RPH3AL: variants seen among roughly 807,000 people sequenced by gnomAD.
RPH3AL encodes rab effector Noc2.
In RPH3AL, 38 loss-of-function variants were observed where a neutral mutation model predicts 43.1. That is an observed-to-expected ratio of 0.88 (90% CI 0.68 to 1.15). RPH3AL has a LOEUF of 1.15. Ranked by LOEUF, RPH3AL falls within the 50% of genes most tolerant of loss-of-function variation. RPH3AL has a pLI of 0.00. For missense variants in RPH3AL, 462 were observed against 423.2 expected, an observed-to-expected ratio of 1.09 and a Z score of -0.81; for synonymous variants, 189 against 176.3, an observed-to-expected ratio of 1.07 and a Z score of -0.57.
intron 2 of RPH3AL, among the ~76,000 whole-genome samples, chr17:327,884 C>T (rs1185796834): frequency 6.6e-6 from 1 of 152,202 alleles, no homozygotes; most frequent in East Asian, 1.9e-4. Context: ...TCACCCTTAG[C>T]AGTTTTCAAC....
rs1416490220 is a variant in RPH3AL at position 215,488 on chromosome 17, C to T, written c.876+166G>A. 6.6e-6 allele frequency among the ~76,000 whole-genome samples: 1 copy of T among 152,238 alleles called. No individual in the cohort carries two copies. Among genetic ancestry groups the T allele is most frequent in the Non-Finnish European group, 1.5e-5 (1 of 68,040 alleles). On this transcript the variant is annotated intron_variant, in intron 9 of 9. Coordinates refer to ENST00000331302, the MANE Select transcript of RPH3AL (RefSeq NM_006987.4). This position sits in a 1 kb window ranked among gnomAD's most constrained non-coding sequence, Gnocchi z 4.1. ...TCTGGGTCCCTCTCTCTGTTCCTTG[C>T]AGGCAGGGATGGGGTCTGGCTCACC... is the stretch of plus-strand genomic sequence containing the variant.
intron 1 of RPH3AL, among the ~76,000 whole-genome samples, chr17:345,577 T>A (rs533167329): frequency 1.5e-5 from 2 of 134,280 alleles, no homozygotes; most frequent in South Asian, 4.9e-4. Context: ...GAGAGGAGGC[T>A]AGGAGCAGTG....
chr17:260,922 C>T (rs1289044640), intron 6 of RPH3AL, among the ~76,000 whole-genome samples: 1 of 152,192 alleles, frequency 6.6e-6, no homozygotes, highest in Admixed American at 6.5e-5. Flanking sequence ...AGCTCGTCTC[C>T]AGCCTTTGGG....
chr17:236,022 C>T (rs75181143), intron 7 of RPH3AL, among the ~76,000 whole-genome samples: 3 of 151,246 alleles, frequency 2.0e-5, no homozygotes, highest in Non-Finnish European at 2.9e-5. Flanking sequence ...CTGGGGTCGG[C>T]GGTGGCTCCG....
intron 1 of RPH3AL, among the ~76,000 whole-genome samples, chr17:342,253 T>C (rs767203220): frequency 1.4e-4 from 21 of 152,188 alleles, no homozygotes; most frequent in Non-Finnish European, 2.9e-4. Context: ...CACTTGTATC[T>C]TGTTGGTGGG....
At chr17:329,164 A>G (rs1016234748) in intron 2 of RPH3AL, among the ~76,000 whole-genome samples, 1 of 152,170 alleles carries the variant, frequency 6.6e-6, no homozygotes, top group Admixed American at 6.5e-5. Flanking sequence ...GACCATGAAA[A>G]AAAAAATGAA....
chr17:323,393 C>T lies in RPH3AL; in HGVS notation c.78-1978G>A, dbSNP rs2044533209. On this transcript the variant is annotated intron_variant, in intron 3 of 9. Transcript: ENST00000331302. This position sits in a 1 kb window ranked among gnomAD's most constrained non-coding sequence, Gnocchi z 4.4. ...AGGCCAGTAGAGTGGGCAGCCTCTG[C>T]CTGGACTACCTGCCTTGCTCCTATG... Among the ~76,000 whole-genome samples the T allele has an allele frequency of 2.0e-5, 3 of 152,188 alleles. No homozygotes were observed. Among genetic ancestry groups the T allele is most frequent in the Admixed American group, 2.0e-4 (3 of 15,286 alleles).
chr17:253,230 A>C (rs1555543307), intron 6 of RPH3AL, among the ~76,000 whole-genome samples: 3 of 152,142 alleles, frequency 2.0e-5, no homozygotes, highest in African/African-American at 7.2e-5. Flanking sequence ...GGGGGCTGAG[A>C]GTGCTCCCCC....
In RPH3AL at chr17:215,685, C is replaced by A. The variant is rs2040781557; in HGVS notation, c.845G>T (p.Gly282Val). 7.8e-7 allele frequency: 1 copy of A among 1,275,550 alleles called. No individual in the cohort carries two copies. Among genetic ancestry groups the A allele is most frequent in the Non-Finnish European group, 9.9e-7 (1 of 1,005,530 alleles). 79.0% of individuals were successfully genotyped at this position (1,275,550 alleles called of 1,614,324 possible). A position where few individuals can be genotyped will look rare whatever the true frequency, so the allele number is the denominator to read the frequency against. ...CCTTCGGGTCAGCCCGGGGCGGGGT[C>A]CCCCTGGCGGGTCAGCAGAGCCTGT... is the stretch of plus-strand genomic sequence containing the variant. ...TGTGSADPPG[G>V]PRPGLTRRAP... Residue 282 changes from glycine to valine, a missense_variant, in exon 9 of 10, where the codon GGA becomes GTA. Physicochemically the swap from Gly to Val is moderately radical, Grantham distance 109 (BLOSUM62 -3). Transcript: ENST00000331302. This position sits in a 1 kb window ranked among gnomAD's most constrained non-coding sequence, Gnocchi z 4.1.
chr17:280,333 A>T (rs56005157), intron 6 of RPH3AL, among the ~76,000 whole-genome samples: 2 of 151,706 alleles, frequency 1.3e-5, no homozygotes, highest in Non-Finnish European at 2.9e-5. Flanking sequence ...AACAGCAGGG[A>T]CCTGCCCCGG....
At chr17:300,967 G>T (rs2043314947) in intron 5 of RPH3AL, among the ~76,000 whole-genome samples, 2 of 152,282 alleles carry the variant, frequency 1.3e-5, no homozygotes, top group African/African-American at 2.4e-5. Flanking sequence ...ACCCACTCTA[G>T]CAGGGGCTGG....
At chr17:297,920 C>CAA (rs1286391156) in intron 5 of RPH3AL, among the ~76,000 whole-genome samples, 3 of 152,134 alleles carry the variant, frequency 2.0e-5, no homozygotes, top group Admixed American at 6.5e-5. Context: ...GGGAGAGAGG[C>CAA]AAGAAAATGA....
At chr17:251,238 C>T (rs528320259) in intron 6 of RPH3AL, among the ~76,000 whole-genome samples, 25 of 152,286 alleles carry the variant, frequency 1.6e-4, no homozygotes, top group African/African-American at 5.5e-4. Context: ...TTCATGGCAC[C>T]CGCTTTGGAA....
rs1334390495 is a variant in RPH3AL at position 344,092 on chromosome 17, T to A, written c.-213+8620A>T. On this transcript the variant is annotated intron_variant, in intron 1 of 9. Transcript: ENST00000331302. ...TCATCGTCATCACTATCACCATCAT[T>A]GTCACCATCATATTCACCTCCAGTC... Among the ~76,000 whole-genome samples the A allele has an allele frequency of 3.8e-5, 5 of 129,910 alleles. 1 individual carries two copies. The highest frequency in any genetic ancestry group is 1.3e-4 in the African/African-American group (5 of 37,174). 85.2% of individuals were successfully genotyped at this position (129,910 alleles called of 152,430 possible).
intron 8 of RPH3AL, 74 bp downstream of exon 8, chr17:219,549 G>C (rs142113078): frequency 5.0e-4 from 57 of 114,592 alleles, no homozygotes; most frequent in Middle Eastern, 1.8e-3. Flanking sequence ...TTTTGAGATG[G>C]AGTTTCGCTC....
intron 5 of RPH3AL, among the ~76,000 whole-genome samples, chr17:282,658 A>C (rs2042809522): frequency 6.6e-6 from 1 of 152,252 alleles, no homozygotes; most frequent in African/African-American, 2.4e-5. Flanking sequence ...ATATGTCCTG[A>C]GAAAAGGCAC....
intron 5 of RPH3AL, among the ~76,000 whole-genome samples, chr17:315,045 C>G (rs2043894372): frequency 6.7e-6 from 1 of 148,330 alleles, no homozygotes; most frequent in Non-Finnish European, 1.5e-5. Flanking sequence ...TCCCTGTACT[C>G]CACCTCCACT....
chr17:293,027 G>A (rs534045359), intron 5 of RPH3AL, among the ~76,000 whole-genome samples: 11 of 152,284 alleles, frequency 7.2e-5, no homozygotes, highest in African/African-American at 2.2e-4. Context: ...GGCTGCTGGC[G>A]GCTCCCAGGG....
chr17:213,388 TC>T lies in RPH3AL; in HGVS notation c.*463del, dbSNP rs775304091. The T allele has an allele frequency of 1.1e-5, 2 of 188,614 alleles. No homozygotes were observed. The highest frequency in any genetic ancestry group is 2.2e-5 in the Non-Finnish European group (2 of 89,482). 11.7% of individuals were successfully genotyped at this position (188,614 alleles called of 1,614,324 possible). A position where few individuals can be genotyped will look rare whatever the true frequency, so the allele number is the denominator to read the frequency against. On this transcript the variant is annotated 3_prime_UTR_variant, in exon 10 of 10. Coordinates refer to ENST00000331302, the MANE Select transcript of RPH3AL (RefSeq NM_006987.4). Reference sequence around the variant, plus strand: ...GGGAGAGGGAGAGGGTGGGTGAGTCTCCCCCTCACTGCTCTGGCTCTGATGC... The same window carrying T: ...GGGAGAGGGAGAGGGTGGGTGAGTCTCCCCTCACTGCTCTGGCTCTGATGC...
Sources: gnomAD v4.1 joint callset for allele counts (sites outside exome capture counted in the v4.1 genomes callset) on GRCh38, gnomAD v4.1.1 for gene constraint, Gnocchi (gnomAD v3.1) non-coding constraint, MANE v1.5 for transcripts, NCBI Gene and HGNC (gene_info 2026-07-23, HGNC 2026-07-21) for gene names.